The following TRDN variants were observed in gnomAD, a reference collection of about 807,000 sequenced individuals.
TRDN encodes triadin in skeletal muscle.
TRDN carries 161 observed loss-of-function variants against 149.7 expected under a neutral mutation model. The ratio of observed to expected loss-of-function variants is 1.08; its 90% CI spans 0.95 to 1.23. TRDN has a LOEUF of 1.23. Ranked by LOEUF, TRDN falls within the 50% of genes most tolerant of loss-of-function variation. The pLI is 0.00. For synonymous variants in TRDN, 294 were observed against 250.5 expected (o/e 1.17, Z -1.64); for missense variants, 896 against 823.5 (o/e 1.09, Z -1.08).
chr6:123,508,530 C>A (rs981139839), intron 7 of TRDN, among the ~76,000 whole-genome samples: 3 of 152,152 alleles, frequency 2.0e-5, no homozygotes, highest in Non-Finnish European at 4.4e-5. Flanking sequence ...GACAGCCTGG[C>A]CCAAACTTGG....
intron 24 of TRDN, among the ~76,000 whole-genome samples, chr6:123,313,420 C>T (rs758781803): frequency 2.0e-4 from 30 of 152,050 alleles, no homozygotes; most frequent in Non-Finnish European, 3.8e-4. Context: ...TCTTTGTGGG[C>T]TTATTTACCT....
At chr6:123,570,476 T>G (rs1486713633) in intron 2 of TRDN, among the ~76,000 whole-genome samples, 1 of 152,342 alleles carries the variant, frequency 6.6e-6, no homozygotes, top group African/African-American at 2.4e-5. Context: ...GCAAGGACAC[T>G]TAGGACCAGA....
At chr6:123,606,407 T>C (rs905397692) in intron 1 of TRDN, among the ~76,000 whole-genome samples, 1 of 152,058 alleles carries the variant, frequency 6.6e-6, no homozygotes, top group African/African-American at 2.4e-5. Context: ...CATAATTTGT[T>C]GTACCATAGA....
intron 21 of TRDN, among the ~76,000 whole-genome samples, chr6:123,346,676 A>G (rs1780257244): frequency 6.6e-6 from 1 of 152,024 alleles, no homozygotes; most frequent in Non-Finnish European, 1.5e-5. Flanking sequence ...ATATTATAAA[A>G]GGAGGACACA....
intron 24 of TRDN, among the ~76,000 whole-genome samples, chr6:123,291,480 G>A (rs148850546): frequency 6.6e-6 from 1 of 151,822 alleles, no homozygotes; most frequent in African/African-American, 2.4e-5. Context: ...CAGGAGAATG[G>A]CATGAACCCG....
At chr6:123,301,602 A>C (rs1383044911) in intron 24 of TRDN, among the ~76,000 whole-genome samples, 1 of 151,336 alleles carries the variant, frequency 6.6e-6, no homozygotes, top group Non-Finnish European at 1.5e-5. Context: ...GTTATTTTTA[A>C]ATTTTCCAGG....
chr6:123,535,137 T>A (rs1223760709), intron 4 of TRDN, among the ~76,000 whole-genome samples: 2 of 152,122 alleles, frequency 1.3e-5, no homozygotes, highest in Non-Finnish European at 2.9e-5. Flanking sequence ...GAGTTTCTAT[T>A]TGAATTTTGA....
chr6:123,361,211 C>T (rs931367648), intron 20 of TRDN, among the ~76,000 whole-genome samples: 5 of 152,072 alleles, frequency 3.3e-5, no homozygotes, highest in African/African-American at 7.2e-5. Flanking sequence ...CATAAAAAAA[C>T]GATGAGTTCA....
intron 1 of TRDN, among the ~76,000 whole-genome samples, chr6:123,610,942 C>T (rs1784776701): frequency 6.6e-6 from 1 of 152,144 alleles, no homozygotes; most frequent in African/African-American, 2.4e-5. Context: ...AATTAAGTCA[C>T]ACCCAGACTC....
In TRDN at chr6:123,337,683, C is replaced by A; in HGVS notation, c.1370-14G>T. 1 of 1,436,140 alleles carries A rather than the reference C, an allele frequency of 7.0e-7. No individual in the cohort carries two copies. Among genetic ancestry groups the A allele is most frequent in the South Asian group, 1.4e-5 (1 of 71,986 alleles). 89.0% of individuals were successfully genotyped at this position (1,436,140 alleles called of 1,614,324 possible). A position where few individuals can be genotyped will look rare whatever the true frequency, so the allele number is the denominator to read the frequency against. Reference sequence around the variant, plus strand: ...CTTTTCTAATTTCTGCAAGAGAGATCATGGGAAGAAAAAGTTACAAGGAAT... The same window carrying A: ...CTTTTCTAATTTCTGCAAGAGAGATAATGGGAAGAAAAAGTTACAAGGAAT... On this transcript the variant is annotated splice_polypyrimidine_tract_variant and intron_variant, in intron 21 of 40. Coordinates refer to ENST00000334268, the MANE Select transcript of TRDN (RefSeq NM_006073.4).
At chr6:123,278,441 T>C in intron 25 of TRDN, 94 bp from the exon 26 acceptor site, 1 of 806,824 alleles carries the variant, frequency 1.2e-6, no homozygotes, top group Non-Finnish European at 1.7e-6. Flanking sequence ...AATTATTTTC[T>C]ATGTTATTCA....
chr6:123,348,219 A>G (rs1780332713), intron 21 of TRDN, among the ~76,000 whole-genome samples: 1 of 152,076 alleles, frequency 6.6e-6, no homozygotes, highest in Non-Finnish European at 1.5e-5. Context: ...AGCTTGTAAT[A>G]TATCATTGGT....
chr6:123,547,776 T>C (rs1010298205), intron 3 of TRDN, among the ~76,000 whole-genome samples: 15 of 152,068 alleles, frequency 9.9e-5, no homozygotes, highest in Admixed American at 9.2e-4. Context: ...TGACTAAGAC[T>C]GACCCTAAAA....
intron 32 of TRDN, among the ~76,000 whole-genome samples, chr6:123,267,022 G>T (rs897689559): frequency 1.4e-5 from 2 of 146,422 alleles, no homozygotes; most frequent in African/African-American, 5.1e-5. Context: ...TAGGAGAATG[G>T]TGTGAACCCG....
At chr6:123,612,112 C>T (rs541283044) in intron 1 of TRDN, among the ~76,000 whole-genome samples, 151 of 150,838 alleles carry the variant, frequency 1.0e-3, no homozygotes, top group Admixed American at 2.6e-3. Flanking sequence ...AAGAGGGGGC[C>T]GGGCGCAATG....
intron 24 of TRDN, among the ~76,000 whole-genome samples, chr6:123,313,205 G>A (rs1778898125): frequency 6.6e-6 from 1 of 151,816 alleles, no homozygotes; most frequent in Non-Finnish European, 1.5e-5. Flanking sequence ...ATAATTTTTA[G>A]CTTCCTTGCA....
At position 123,355,343 on chromosome 6, in the gene TRDN, C is replaced by T. The variant is rs190884252; in HGVS notation, c.1322-2757G>A. 3.7e-3 allele frequency among the ~76,000 whole-genome samples: 555 copies of T among 151,688 alleles called. 5 individuals are homozygous for T. The highest frequency in any genetic ancestry group is 0.013 in the African/African-American group (529 of 41,500). ...TTGTATTCTATTTAAAAAGATTTGC[C>T]TCCACCACGGTTATAAGATATTCTA... On this transcript the variant is annotated intron_variant, in intron 20 of 40. Coordinates refer to ENST00000334268, the MANE Select transcript of TRDN (RefSeq NM_006073.4).
chr6:123,517,606 A>T (rs141297935), intron 5 of TRDN, among the ~76,000 whole-genome samples: 56 of 152,124 alleles, frequency 3.7e-4, no homozygotes, highest in African/African-American at 1.3e-3. Context: ...TCTACAAAGA[A>T]TTTCTCCTTG....
chr6:123,524,219 C>T (rs929374654), intron 5 of TRDN, among the ~76,000 whole-genome samples: 2 of 152,124 alleles, frequency 1.3e-5, no homozygotes, highest in African/African-American at 2.4e-5. Context: ...ACAAAGAATA[C>T]AGACAGGTGC....
Sources: allele counts gnomAD v4.1 joint callset (sites outside exome capture counted in the v4.1 genomes callset), GRCh38; gene constraint gnomAD v4.1.1; transcripts MANE v1.5; gene names NCBI Gene and HGNC (gene_info 2026-07-23, HGNC 2026-07-21).